The following CNTNAP2 variants were observed in gnomAD, a reference collection of about 807,000 sequenced individuals.
CNTNAP2 encodes contactin associated protein 2.
Under a neutral mutation model 155.2 loss-of-function variants are expected in CNTNAP2, and 98 were observed. The ratio of observed to expected loss-of-function variants is 0.63; its 90% CI spans 0.54 to 0.75. The LOEUF is 0.75. Among genes scored for constraint, CNTNAP2 ranks in the 30% least tolerant of loss-of-function variants. The probability of loss-of-function intolerance (pLI) is 0.00; values close to 1 mark genes in which losing one functional copy is unlikely to be tolerated. For missense variants in CNTNAP2, 1,727 were observed against 1,688.1 expected (o/e 1.02, Z -0.40); for synonymous variants, 651 against 631.2 (o/e 1.03, Z -0.47).
chr7:148,083,555 G>A (rs916527131), intron 15 of CNTNAP2, among the ~76,000 whole-genome samples: 10 of 152,194 alleles, frequency 6.6e-5, no homozygotes, highest in Non-Finnish European at 1.2e-4. Flanking sequence ...ACTCCCTGAA[G>A]AGACTAGCAG....
chr7:147,934,294 T>A (rs1222203602), intron 14 of CNTNAP2, among the ~76,000 whole-genome samples: 1 of 152,140 alleles, frequency 6.6e-6, no homozygotes, highest in Non-Finnish European at 1.5e-5. Flanking sequence ...GGCTTACAGT[T>A]CCAAGTGGCT....
chr7:147,516,263 C>G (rs1212926466), intron 11 of CNTNAP2, among the ~76,000 whole-genome samples: 1 of 151,650 alleles, frequency 6.6e-6, no homozygotes, highest in Non-Finnish European at 1.5e-5. Context: ...ATGTGTAGAA[C>G]AAAAAAATAG....
intron 13 of CNTNAP2, among the ~76,000 whole-genome samples, chr7:147,746,172 A>G (rs1199664956): frequency 6.6e-6 from 1 of 152,198 alleles, no homozygotes; most frequent in Non-Finnish European, 1.5e-5. Flanking sequence ...GGTCTATAGT[A>G]GTGACAATGA....
intron 13 of CNTNAP2, among the ~76,000 whole-genome samples, chr7:147,879,185 G>A (rs192142593): frequency 2.5e-4 from 38 of 152,222 alleles, no homozygotes; most frequent in African/African-American, 7.5e-4. Flanking sequence ...GGGGATTTCC[G>A]ACAGCTTCTT....
At position 146,289,423 on chromosome 7, in the gene CNTNAP2, T is replaced by C. The variant is rs181617317; in HGVS notation, c.97+172450T>C. Among the ~76,000 whole-genome samples the C allele has an allele frequency of 3.3e-3, 500 of 152,328 alleles. 4 individuals are homozygous for C. Among genetic ancestry groups the C allele is most frequent in the South Asian group, 8.1e-3 (39 of 4,832 alleles). On this transcript the variant is annotated intron_variant, in intron 1 of 23. Coordinates refer to ENST00000361727, the MANE Select transcript of CNTNAP2 (RefSeq NM_014141.6). ...ATTAACAGACAATGAAAATATTGACTGTGTTTATGCTTAATTTTCCCTCAC... is the reference window on the plus strand; with the variant it reads ...ATTAACAGACAATGAAAATATTGACCGTGTTTATGCTTAATTTTCCCTCAC...
At chr7:146,460,847 T>A (rs542729315) in intron 1 of CNTNAP2, among the ~76,000 whole-genome samples, 6 of 152,296 alleles carry the variant, frequency 3.9e-5, no homozygotes, top group Admixed American at 3.9e-4. Flanking sequence ...AGATACTGGT[T>A]AAAGGGTACA....
At chr7:147,347,210 G>A (rs1187441642) in intron 9 of CNTNAP2, among the ~76,000 whole-genome samples, 1 of 151,916 alleles carries the variant, frequency 6.6e-6, no homozygotes, top group East Asian at 1.9e-4. Flanking sequence ...ATTTGTGGAA[G>A]TCATCTTCCC....
intron 1 of CNTNAP2, among the ~76,000 whole-genome samples, chr7:146,155,645 A>T (rs1798113210): frequency 6.6e-6 from 1 of 151,190 alleles, no homozygotes; most frequent in African/African-American, 2.4e-5. Flanking sequence ...TAGTAATTAC[A>T]TAAGTAAATA....
At chr7:146,483,282 A>ATATAT (rs1554439529) in intron 1 of CNTNAP2, among the ~76,000 whole-genome samples, 13 of 39,882 alleles carry the variant, frequency 3.3e-4, no homozygotes, top group Non-Finnish European at 6.0e-4. Context: ...TCTAAAAAAA[A>ATATAT]ATATATATAT....
At chr7:147,577,430 A>C (rs563441260) in intron 12 of CNTNAP2, among the ~76,000 whole-genome samples, 1 of 152,076 alleles carries the variant, frequency 6.6e-6, no homozygotes, top group African/African-American at 2.4e-5. Context: ...GAGAATAACA[A>C]CAAGATGAAC....
intron 1 of CNTNAP2, among the ~76,000 whole-genome samples, chr7:146,404,129 A>AAAAAC: frequency 7.1e-6 from 1 of 141,544 alleles, no homozygotes; most frequent in Admixed American, 6.9e-5. Context: ...CGTCTCAAAA[A>AAAAAC]AAAAAAAAAA....
At chr7:146,310,202 ACACGGTCTG>A (rs1294769416) in intron 1 of CNTNAP2, among the ~76,000 whole-genome samples, 2 of 152,216 alleles carry the variant, frequency 1.3e-5, no homozygotes, top group African/African-American at 2.4e-5. Context: ...TCTCTTTGGT[ACACGGTCTG>A]CATAGTTAGT....
intron 20 of CNTNAP2, among the ~76,000 whole-genome samples, chr7:148,259,362 A>AAAAAAAAAAAC (rs1216850835): frequency 1.5e-4 from 22 of 151,722 alleles, no homozygotes; most frequent in African/African-American, 4.8e-4. Context: ...CCTCAAAAAA[A>AAAAAAAAAAAC]AAAAAAAGAA....
Position 148,415,766 on chromosome 7 carries a change from C to A in CNTNAP2, c.*150C>A. The stretch of plus-strand genomic sequence containing the variant: ...AGGCAATGGAATATAATGGAATATT[C>A]TTGAGACTGATCACAAAAAAAAAAA... On this transcript the variant is annotated 3_prime_UTR_variant, in exon 24 of 24. Coordinates refer to ENST00000361727, the MANE Select transcript of CNTNAP2 (RefSeq NM_014141.6). 3 of 786,074 alleles carry A rather than the reference C, an allele frequency of 3.8e-6. No homozygotes were observed. Among genetic ancestry groups the A allele is most frequent in the Non-Finnish European group, 6.0e-6 (3 of 497,188 alleles). The allele number at this position is 786,074 out of a possible 1,614,324, so 48.7% of individuals were successfully genotyped here.
intron 21 of CNTNAP2, among the ~76,000 whole-genome samples, chr7:148,310,334 C>T (rs1797570673): frequency 6.6e-6 from 1 of 152,168 alleles, no homozygotes; most frequent in African/African-American, 2.4e-5. Context: ...CCTTTTTCAG[C>T]AGTGAGTAAG....
intron 3 of CNTNAP2, among the ~76,000 whole-genome samples, chr7:147,014,308 C>T (rs1022663606): frequency 6.6e-6 from 1 of 151,964 alleles, no homozygotes; most frequent in Non-Finnish European, 1.5e-5. Context: ...TTGTTAAGTG[C>T]ATGTTTGCTT....
chr7:146,788,292 G>A (rs529965450), intron 2 of CNTNAP2, among the ~76,000 whole-genome samples: 5 of 152,358 alleles, frequency 3.3e-5, no homozygotes, highest in East Asian at 3.9e-4. Flanking sequence ...CCTGGAGTGC[G>A]GCCAGAGTGG....
chr7:146,498,508 G>A (rs1797252169), intron 1 of CNTNAP2, among the ~76,000 whole-genome samples: 1 of 152,002 alleles, frequency 6.6e-6, no homozygotes, highest in African/African-American at 2.4e-5. Flanking sequence ...AATTCTATAA[G>A]CTTTTCCCCC....
intron 3 of CNTNAP2, among the ~76,000 whole-genome samples, chr7:146,895,551 AAATT>A (rs1260905903): frequency 1.3e-5 from 2 of 152,120 alleles, no homozygotes; most frequent in Non-Finnish European, 2.9e-5. Context: ...AACACCATAT[AAATT>A]AATTTAGAGC....
Sources: gnomAD v4.1 joint callset for allele counts (sites outside exome capture counted in the v4.1 genomes callset) on GRCh38, gnomAD v4.1.1 for gene constraint, MANE v1.5 for transcripts, NCBI Gene and HGNC (gene_info 2026-07-23, HGNC 2026-07-21) for gene names.